The following BAZ2B variants were observed in gnomAD, a reference collection of about 807,000 sequenced individuals.
BAZ2B encodes the protein bromodomain adjacent to zinc finger domain protein 2B.
BAZ2B carries 91 observed loss-of-function variants against 246.0 expected under a neutral mutation model. The ratio of observed to expected loss-of-function variants is 0.37; its 90% CI spans 0.31 to 0.44. BAZ2B has a LOEUF of 0.44. BAZ2B is among the 20% of genes least tolerant of loss of function. The probability of loss-of-function intolerance (pLI) is 1.00; values close to 1 mark genes in which losing one functional copy is unlikely to be tolerated. For missense variants in BAZ2B, 2,332 were observed against 2,533.7 expected, an observed-to-expected ratio of 0.92 and a Z score of 1.71; for synonymous variants, 855 against 860.0, an observed-to-expected ratio of 0.99 and a Z score of 0.10.
intron 2 of BAZ2B, among the ~76,000 whole-genome samples, chr2:159,510,650 ATG>A (rs1398649888): frequency 6.6e-6 from 1 of 152,238 alleles, no homozygotes; most frequent in African/African-American, 2.4e-5. Context: ...TGTAAAAAAA[ATG>A]TAATATACCA....
chr2:159,381,592 A>G (rs1189615083), intron 25 of BAZ2B, among the ~76,000 whole-genome samples: 1 of 152,082 alleles, frequency 6.6e-6, no homozygotes, highest in Admixed American at 6.6e-5. Flanking sequence ...CTCACAACTC[A>G]TCTAAACCAT....
chr2:159,637,180 T>C, the BAZ2B span, among the ~76,000 whole-genome samples: 1 of 152,118 alleles, frequency 6.6e-6, no homozygotes. Context: ...TAAAGGGGAC[T>C]TTGTCTTGCA....
chr2:159,385,278 C>T lies in BAZ2B; in HGVS notation c.3563G>A (p.Cys1188Tyr), dbSNP rs1244136613. The change falls in exon 23 of 37, where the codon TGT becomes TAT. Residue 1188 changes from cysteine (C) to tyrosine (Y), a missense_variant. Physicochemically the swap from Cys to Tyr is radical, Grantham distance 194. This residue lies in a region of BAZ2B where 328 missense variants were observed against 410.4 expected (regional missense o/e 0.80). Coordinates refer to ENST00000392783, the MANE Select transcript of BAZ2B (RefSeq NM_013450.4). ...ACTTTCAGTAAGCTCAGTTTGTCCA[C>T]AGTGGGCTTCCATAAATATCTGTAA... ...EILQIFMEAH[C>Y]GQTELTESLK... is the part of the protein sequence containing the mutation. 6.2e-7 allele frequency: 1 copy of T among 1,613,514 alleles called. No homozygotes were observed. Among genetic ancestry groups the T allele is most frequent in the East Asian group, 2.2e-5 (1 of 44,848 alleles).
At chr2:159,622,946 A>G in the BAZ2B span, among the ~76,000 whole-genome samples, 1 of 148,438 alleles carries the variant, frequency 6.7e-6, no homozygotes, top group African/African-American at 2.5e-5. Flanking sequence ...GACTCCAGCC[A>G]GGGTGACAGA....
intron 34 of BAZ2B, among the ~76,000 whole-genome samples, chr2:159,331,551 A>G (rs1378322004): frequency 6.6e-6 from 1 of 152,030 alleles, no homozygotes; most frequent in Admixed American, 6.6e-5. Flanking sequence ...AAAATTTTGT[A>G]TTTTTAGTAG....
intron 2 of BAZ2B, among the ~76,000 whole-genome samples, chr2:159,481,973 G>A (rs1211473066): frequency 1.3e-5 from 2 of 151,952 alleles, no homozygotes; most frequent in African/African-American, 4.8e-5. Flanking sequence ...TTAGTTAATA[G>A]TATTCTATCA....
chr2:159,663,452 C>G, the BAZ2B span, among the ~76,000 whole-genome samples: 3 of 151,662 alleles, frequency 2.0e-5, no homozygotes, highest in Non-Finnish European at 4.4e-5. Flanking sequence ...ATCCTCCCGC[C>G]TTGGCCTCCC....
At chr2:159,501,509 G>T (rs1263617874) in intron 2 of BAZ2B, among the ~76,000 whole-genome samples, 1 of 151,304 alleles carries the variant, frequency 6.6e-6, no homozygotes, top group Non-Finnish European at 1.5e-5. Context: ...AAATTTTTTA[G>T]TATTTCTACA....
chr2:159,694,355 A>T, the BAZ2B span: 1 of 152,200 alleles, frequency 6.6e-6, no homozygotes, highest in Non-Finnish European at 1.5e-5. Context: ...CAGTCCTAAC[A>T]AACAAATACA....
intron 3 of BAZ2B, chr2:159,463,169 T>A: frequency 1.7e-6 from 1 of 600,214 alleles, no homozygotes. Context: ...AATACTTCAT[T>A]AAATTCTCCT....
Position 159,414,209 on chromosome 2 carries a change from A to T in BAZ2B, c.2467-1664T>A, listed in dbSNP as rs565705221. On this transcript the variant is annotated intron_variant, in intron 13 of 36. Coordinates refer to ENST00000392783, the MANE Select transcript of BAZ2B (RefSeq NM_013450.4). ...TCTCACTTATTTGTGGGAGCCAAAA[A>T]TTAAAACAATTGAACTCAACAGAGA... Among the ~76,000 whole-genome samples the T allele has an allele frequency of 4.6e-5, 7 of 152,334 alleles. No individual in the cohort carries two copies. The South Asian group carries it at 1.4e-3, about 32-fold the overall frequency.
At position 159,350,051 on chromosome 2, in the gene BAZ2B, G is replaced by A; in HGVS notation, c.4520C>T (p.Ser1507Leu). Reference sequence around the variant, plus strand: ...TGCTGTTGACTGAACGCTGCCCAGTGAATGTTTTCCACTGTTCTGATAAGA... The same window carrying A: ...TGCTGTTGACTGAACGCTGCCCAGTAAATGTTTTCCACTGTTCTGATAAGA... Reference protein sequence around the residue: ...TLSYQNSGKHSLGSVQSTATQ... With the variant: ...TLSYQNSGKHLLGSVQSTATQ... The change falls in exon 28 of 37, where the codon TCA becomes TTA. Residue 1507 changes from serine to leucine, a missense_variant. Physicochemically the swap from Ser to Leu is moderately radical, Grantham distance 145. Around this residue, in one of 9 missense-constraint regions of BAZ2B, gnomAD observed 676 missense variants for 668.6 expected, o/e 1.01. Transcript: ENST00000392783. 2 of 1,614,144 alleles carry A rather than the reference G, an allele frequency of 1.2e-6. No individual in the cohort carries two copies. The highest frequency in any genetic ancestry group is 8.5e-7 in the Non-Finnish European group (1 of 1,180,018).
intron 9 of BAZ2B, 31 bp from the exon 10 acceptor site, chr2:159,431,187 TA>T: frequency 2.6e-6 from 4 of 1,562,544 alleles, no homozygotes; most frequent in Non-Finnish European, 3.5e-6. Context: ...TTGTATATTA[TA>T]ACTAGATAAT....
chr2:159,495,484 C>CAAAAAAAAAAAA (rs56365046), intron 2 of BAZ2B, among the ~76,000 whole-genome samples: 1 of 73,218 alleles, frequency 1.4e-5, no homozygotes, highest in Non-Finnish European at 2.3e-5. Flanking sequence ...GACTCCGTCT[C>CAAAAAAAAAAAA]AAAAAAAAAA....
chr2:159,536,177 G>A (rs1485468194), intron 2 of BAZ2B: 6 of 152,182 alleles, frequency 3.9e-5, no homozygotes, highest in Admixed American at 3.9e-4. Flanking sequence ...GAATAAGGTA[G>A]TTTTGACCAC....
At position 159,431,147 on chromosome 2, in the gene BAZ2B, C is replaced by T; in HGVS notation, c.1910G>A (p.Ser637Asn). 1.9e-6 allele frequency: 3 copies of T among 1,602,366 alleles called. No individual in the cohort carries two copies. Among genetic ancestry groups the T allele is most frequent in the Non-Finnish European group, 2.6e-6 (3 of 1,172,950 alleles). ...ESDDSQSESD[S>N]NSESDTEGSE... Reference sequence around the variant, plus strand: ...TCCTTCTGTATCTGATTCTGAATTACTATCTGATTCTGGGAAGTAAAAGAA... The same window carrying T: ...TCCTTCTGTATCTGATTCTGAATTATTATCTGATTCTGGGAAGTAAAAGAA... The change falls in exon 10 of 37, where the codon AGT (serine) becomes AAT (asparagine). Residue 637 changes from serine to asparagine, a missense_variant. Coordinates refer to ENST00000392783, the MANE Select transcript of BAZ2B (RefSeq NM_013450.4).
chr2:159,669,480 T>C, the BAZ2B span, among the ~76,000 whole-genome samples: 3 of 152,166 alleles, frequency 2.0e-5, no homozygotes, highest in Admixed American at 1.3e-4. Flanking sequence ...TATGTCTTTA[T>C]AGATTTTTTT....
At chr2:159,364,520 G>A (rs2060023963) in intron 27 of BAZ2B, among the ~76,000 whole-genome samples, 1 of 152,096 alleles carries the variant, frequency 6.6e-6, no homozygotes, top group African/African-American at 2.4e-5. Context: ...AAACTCCTAA[G>A]TAGCTGGAAG....
chr2:159,685,764 A>G, the BAZ2B span, among the ~76,000 whole-genome samples: 3 of 152,222 alleles, frequency 2.0e-5, no homozygotes, highest in South Asian at 2.1e-4. Flanking sequence ...ATAAATAAAC[A>G]TAAGTCCATA....
Sources: allele counts gnomAD v4.1 joint callset (sites outside exome capture counted in the v4.1 genomes callset), GRCh38; gene constraint gnomAD v4.1.1; regional missense constraint gnomAD v4.1.1; transcripts MANE v1.5; gene names NCBI Gene and HGNC (gene_info 2026-07-23, HGNC 2026-07-21).